The following PHAF1 variants were observed in gnomAD, a reference collection of about 807,000 sequenced individuals.
PHAF1 encodes phagophore assembly factor 1.
A neutral mutation model predicts 63.1 loss-of-function variants in PHAF1; 23 were observed. The ratio of observed to expected loss-of-function variants is 0.36; its 90% CI spans 0.26 to 0.52. PHAF1 has a LOEUF of 0.52. Among genes scored for constraint, PHAF1 ranks in the 20% least tolerant of loss-of-function variants. PHAF1 has a pLI of 0.93. For missense variants in PHAF1, 427 were observed against 517.2 expected (o/e 0.83, Z 1.69); for synonymous variants, 167 against 185.0 (o/e 0.90, Z 0.79).
Position 67,134,382 on chromosome 16 carries a change from C to G in PHAF1, c.576C>G (p.Phe192Leu). 1 of 1,614,178 alleles carries G rather than the reference C, an allele frequency of 6.2e-7. No individual in the cohort carries two copies. Among genetic ancestry groups the G allele is most frequent in the South Asian group, 1.1e-5 (1 of 91,086 alleles). Residue 192 changes from phenylalanine (F) to leucine (L), a missense_variant, in exon 8 of 16, where the codon TTC becomes TTG. Transcript: ENST00000219139. ...TKAPMMPLSC[F>L]LGNVYAESVD... is the part of the protein sequence containing the mutation. ...CTCCCATGATGCCTCTGAGCTGTTT[C>G]CTGGGCAATGTCTATGCTGAGAGTG...
intron 6 of PHAF1, 75 bp downstream of exon 6, chr16:67,132,986 G>A: frequency 5.0e-6 from 6 of 1,203,450 alleles, no homozygotes; most frequent in Non-Finnish European, 7.2e-6. Flanking sequence ...CATGGGATGG[G>A]AATAGAGGAG....
Position 67,147,194 on chromosome 16 carries a change from C to G in PHAF1, c.*63C>G. The G allele has an allele frequency of 6.8e-7, 1 of 1,468,816 alleles. No homozygotes were observed. Among genetic ancestry groups the G allele is most frequent in the Non-Finnish European group, 9.5e-7 (1 of 1,050,400 alleles). The allele number at this position is 1,468,816 out of a possible 1,614,324, so 91.0% of individuals were successfully genotyped here. ...GTGCATCACATCCTGCTCAGTGGGC[C>G]TCTGTACCACCCTGTGGGTTTTCTT... On this transcript the variant is annotated 3_prime_UTR_variant, in exon 16 of 16. Transcript: ENST00000219139.
chr16:67,134,477 T>A lies in PHAF1; in HGVS notation c.661+10T>A. 1 of 1,596,662 alleles carries A rather than the reference T, an allele frequency of 6.3e-7. No individual in the cohort carries two copies. Among genetic ancestry groups the A allele is most frequent in the Non-Finnish European group, 8.6e-7 (1 of 1,164,346 alleles). On this transcript the variant is annotated intron_variant, in intron 8 of 15. Coordinates refer to ENST00000219139, the MANE Select transcript of PHAF1 (RefSeq NM_025187.5). ...CGCCTACTTGCTGCAGGTCAGTGAC[T>A]GGCTTTGAGGTTGGTACATTCCGCA... is the stretch of plus-strand genomic sequence containing the variant.
In PHAF1 at chr16:67,125,988, C is replaced by G. The variant is rs1963172196; in HGVS notation, c.177C>G (p.Asn59Lys). 6.2e-7 allele frequency: 1 copy of G among 1,612,758 alleles called. No homozygotes were observed. Residue 59 changes from asparagine to lysine, a missense_variant, in exon 3 of 16, where the codon AAC becomes AAG. Transcript: ENST00000219139. Reference protein sequence around the residue: ...QSPLSHDLILNLTQDGIKLMF... With the variant: ...QSPLSHDLILKLTQDGIKLMF... ...CTCTAAGCCATGACCTCATTCTTAACCTGACTCAGGACGGGATCAAACTAA... is the reference window on the plus strand; with the variant it reads ...CTCTAAGCCATGACCTCATTCTTAAGCTGACTCAGGACGGGATCAAACTAA...
chr16:67,119,698 T>C (rs1962897496), intron 1 of PHAF1, among the ~76,000 whole-genome samples: 1 of 150,796 alleles, frequency 6.6e-6, no homozygotes, highest in African/African-American at 2.4e-5. Context: ...TTTTTTTTTT[T>C]TTTTTTTTTA....
At chr16:67,146,389 G>A (rs374724975) in intron 15 of PHAF1, 39 bp downstream of exon 15, 11 of 1,585,766 alleles carry the variant, frequency 6.9e-6, no homozygotes, top group South Asian at 6.6e-5. Context: ...TGCCTGGGGG[G>A]TTGCTGGTCA....
chr16:67,130,967 C>G (rs1209791683), intron 3 of PHAF1, among the ~76,000 whole-genome samples: 2 of 152,194 alleles, frequency 1.3e-5, no homozygotes, highest in South Asian at 2.1e-4. Flanking sequence ...TTCAAAATAA[C>G]AAAGGACTGT....
At chr16:67,114,399 T>C (rs1450917430) in intron 1 of PHAF1, among the ~76,000 whole-genome samples, 3 of 150,886 alleles carry the variant, frequency 2.0e-5, no homozygotes, top group African/African-American at 7.3e-5. Flanking sequence ...CTTAGTCTAG[T>C]GATAGAGAGG....
intron 6 of PHAF1, among the ~76,000 whole-genome samples, chr16:67,133,522 A>C (rs1597207171): frequency 6.7e-6 from 1 of 150,320 alleles, no homozygotes; most frequent in Non-Finnish European, 1.5e-5. Context: ...AAAAAAAAAA[A>C]CAGGCCGGGC....
In PHAF1 at chr16:67,110,151, C is replaced by T. The variant is rs1327251370; in HGVS notation, c.-25C>T. The T allele has an allele frequency of 3.9e-6, 6 of 1,550,296 alleles. No homozygotes were observed. In the East Asian group the frequency reaches 1.2e-4, roughly 32 times the overall value. ...CCCTTCTGCGCTGCCGCAGGGAGGC[C>T]GCCCGGGCCAGGCGAGCCGAACCAA... On this transcript the variant is annotated 5_prime_UTR_variant, in exon 1 of 16. Transcript: ENST00000219139.
intron 1 of PHAF1, among the ~76,000 whole-genome samples, chr16:67,112,803 C>T (rs1406355191): frequency 1.3e-5 from 2 of 152,206 alleles, no homozygotes; most frequent in East Asian, 1.9e-4. Flanking sequence ...CCAGAGGCTT[C>T]ATGATTCCCT....
chr16:67,134,482 T>C lies in PHAF1; in HGVS notation c.661+15T>C, dbSNP rs757649552. On this transcript the variant is annotated intron_variant, in intron 8 of 15. Coordinates refer to ENST00000219139, the MANE Select transcript of PHAF1 (RefSeq NM_025187.5). ...ACTTGCTGCAGGTCAGTGACTGGCTTTGAGGTTGGTACATTCCGCATTATA... is the reference window on the plus strand; with the variant it reads ...ACTTGCTGCAGGTCAGTGACTGGCTCTGAGGTTGGTACATTCCGCATTATA... The C allele has an allele frequency of 1.3e-6, 2 of 1,585,746 alleles. No homozygotes were observed. Among genetic ancestry groups the C allele is most frequent in the East Asian group, 2.2e-5 (1 of 44,748 alleles).
chr16:67,120,213 G>T lies in PHAF1; in HGVS notation c.147+19G>T. The T allele has an allele frequency of 6.2e-7, 1 of 1,605,970 alleles. No homozygotes were observed. The highest frequency in any genetic ancestry group is 8.5e-7 in the Non-Finnish European group (1 of 1,173,674). On this transcript the variant is annotated intron_variant, in intron 2 of 15. Coordinates refer to ENST00000219139, the MANE Select transcript of PHAF1 (RefSeq NM_025187.5). Reference sequence around the variant, plus strand: ...TGAACAGGTGAGTGGTGGCTGATTTGTTTATTGAAATAGCATCCCTCGGTA... The same window carrying T: ...TGAACAGGTGAGTGGTGGCTGATTTTTTTATTGAAATAGCATCCCTCGGTA...
chr16:67,134,980 A>C, intron 8 of PHAF1: 1 of 326,136 alleles, frequency 3.1e-6, no homozygotes, highest in South Asian at 2.5e-5. Context: ...TTGTCAAGGG[A>C]CTGGACATAG....
chr16:67,144,109 A>C (rs1196317983), intron 10 of PHAF1, among the ~76,000 whole-genome samples, 185 bp from the exon 11 acceptor site: 2 of 152,130 alleles, frequency 1.3e-5, no homozygotes, highest in Non-Finnish European at 2.9e-5. Context: ...CTCAAAAAAG[A>C]AGAAAGAAAA....
At position 67,110,214 on chromosome 16, in the gene PHAF1, G is replaced by A. The variant is rs1962454281; in HGVS notation, c.39G>A (p.Gly13=). The A allele has an allele frequency of 1.3e-6, 2 of 1,552,746 alleles. No homozygotes were observed. Among genetic ancestry groups the A allele is most frequent in the East Asian group, 2.4e-5 (1 of 41,092 alleles). ...AGGTAGTGCCCGAACGCTCTCTGGG[G>A]AACGAGCAATGGGAATTCACGCTGG... The part of the protein sequence containing the change: ...DLEVVPERSL[G]NEQWEFTLGM... The change falls in exon 1 of 16, where the codon GGG becomes GGA. Residue 13 remains glycine, a synonymous_variant. Transcript: ENST00000219139.
At chr16:67,145,318 T>C (rs778876461) in intron 12 of PHAF1, 58 bp from the exon 13 acceptor site, 65 of 1,591,624 alleles carry the variant, frequency 4.1e-5, no homozygotes, top group Non-Finnish European at 5.2e-5. Context: ...TACCTAGGGC[T>C]GGGGCCACAG....
Position 67,110,030 on chromosome 16 carries a change from T to G in PHAF1, c.-146T>G. ...GTGAGGTGTGGTGTTGGGCCGGTGC[T>G]GCTGCCGCTGCCGCCGGGGAGGAGG... On this transcript the variant is annotated 5_prime_UTR_variant, in exon 1 of 16. Coordinates refer to ENST00000219139, the MANE Select transcript of PHAF1 (RefSeq NM_025187.5). 1.3e-6 allele frequency: 1 copy of G among 781,068 alleles called. No individual in the cohort carries two copies. The highest frequency in any genetic ancestry group is 2.1e-6 in the Non-Finnish European group (1 of 482,002). The allele number at this position is 781,068 out of a possible 1,614,324, so 48.4% of individuals were successfully genotyped here.
At chr16:67,113,013 C>T (rs886352372) in intron 1 of PHAF1, among the ~76,000 whole-genome samples, 1 of 152,196 alleles carries the variant, frequency 6.6e-6, no homozygotes, top group African/African-American at 2.4e-5. Flanking sequence ...CATGCCTAGG[C>T]TAGTGAACCA....
Sources: allele counts gnomAD v4.1 joint callset (sites outside exome capture counted in the v4.1 genomes callset), GRCh38; gene constraint gnomAD v4.1.1; transcripts MANE v1.5; gene names NCBI Gene and HGNC (gene_info 2026-07-23, HGNC 2026-07-21).